Variants in PRDM16 observed in about 807,000 individuals in gnomAD.
The protein encoded by PRDM16 is PR/SET domain 16.
Under a neutral mutation model 110.6 loss-of-function variants are expected in PRDM16, and 23 were observed. The observed-to-expected ratio is 0.21, with a 90% confidence interval of 0.15 to 0.29. The LOEUF is 0.29. Ranked by LOEUF, PRDM16 falls within the 10% of genes least tolerant of loss-of-function variation. The pLI is 1.00. For synonymous variants in PRDM16, 799 were observed against 781.8 expected (o/e 1.02, Z -0.37); for missense variants, 1,615 against 1,794.3 (o/e 0.90, Z 1.81).
intron 3 of PRDM16, among the ~76,000 whole-genome samples, chr1:3,263,619 C>G (rs907507940): frequency 6.6e-6 from 1 of 152,250 alleles, no homozygotes; most frequent in African/African-American, 2.4e-5. Flanking sequence ...GCCCATATGT[C>G]CGGGCCACAG....
intron 10 of PRDM16, among the ~76,000 whole-genome samples, chr1:3,415,823 A>AC (rs1638234236): frequency 6.6e-6 from 1 of 152,196 alleles, no homozygotes; most frequent in Admixed American, 6.5e-5. Context: ...CTAATAAGTC[A>AC]CCAAATGGTC....
chr1:3,284,288 G>A (rs1396503440), intron 3 of PRDM16, among the ~76,000 whole-genome samples: 3 of 152,212 alleles, frequency 2.0e-5, no homozygotes, highest in African/African-American at 4.8e-5. Context: ...AAACGTTTTC[G>A]GCCCCTGTCT....
At chr1:3,310,099 C>G (rs565943864) in intron 3 of PRDM16, 15 of 152,318 alleles carry the variant, frequency 9.8e-5, no homozygotes, top group African/African-American at 3.6e-4. Context: ...AATTTTAAAA[C>G]AAAAAGTCAA....
chr1:3,231,485 C>A (rs563708506), intron 2 of PRDM16, among the ~76,000 whole-genome samples: 2 of 152,350 alleles, frequency 1.3e-5, no homozygotes, highest in Middle Eastern at 3.4e-3. Flanking sequence ...ATGAGGGCGT[C>A]GAGGCTGCTC....
intron 3 of PRDM16, among the ~76,000 whole-genome samples, chr1:3,335,145 G>C (rs941306278): frequency 6.6e-6 from 1 of 152,252 alleles, no homozygotes; most frequent in Non-Finnish European, 1.5e-5. Flanking sequence ...CTGCCTGGAA[G>C]GAGCCCAGCG....
At chr1:3,344,238 T>C (rs916732672) in intron 3 of PRDM16, among the ~76,000 whole-genome samples, 1 of 152,086 alleles carries the variant, frequency 6.6e-6, no homozygotes, top group Non-Finnish European at 1.5e-5. Context: ...CTTGCAAGGC[T>C]AAGATGGGAA....
At chr1:3,113,955 T>A (rs1447617141) in intron 1 of PRDM16, among the ~76,000 whole-genome samples, 2 of 152,250 alleles carry the variant, frequency 1.3e-5, no homozygotes, top group East Asian at 3.8e-4. Context: ...TCTCTCCCAC[T>A]CGGGATGTGA....
chr1:3,294,325 A>G (rs913139378), intron 3 of PRDM16, among the ~76,000 whole-genome samples: 3 of 152,104 alleles, frequency 2.0e-5, no homozygotes, highest in Non-Finnish European at 2.9e-5. Flanking sequence ...CTCCCCAGGG[A>G]GAAAACAGAT....
At position 3,141,602 on chromosome 1, in the gene PRDM16, G is replaced by T. The variant is rs372874547; in HGVS notation, c.38-44523G>T. On this transcript the variant is annotated intron_variant, in intron 1 of 16. Transcript: ENST00000270722. ...CCTTCTGGGCCGCCCCACCTGCGAG[G>T]ATGGGAGTCAGAAAGCCCAGGGCGG... 2.6e-5 allele frequency among the ~76,000 whole-genome samples: 4 copies of T among 152,256 alleles called. No individual in the cohort carries two copies. The East Asian group carries it at 5.8e-4, about 22-fold the overall frequency.
chr1:3,349,304 G>T (rs550584782), intron 3 of PRDM16, among the ~76,000 whole-genome samples: 28 of 152,172 alleles, frequency 1.8e-4, no homozygotes, highest in African/African-American at 6.5e-4. Flanking sequence ...GGACGGGGCC[G>T]CACCGGCACG....
chr1:3,149,693 A>G (rs1479619520), intron 1 of PRDM16, among the ~76,000 whole-genome samples: 4 of 152,204 alleles, frequency 2.6e-5, no homozygotes, highest in Non-Finnish European at 4.4e-5. Context: ...TTTATGCAAG[A>G]TGGTGCTGAA....
chr1:3,234,803 C>T (rs1296103017), intron 2 of PRDM16, among the ~76,000 whole-genome samples: 3 of 152,250 alleles, frequency 2.0e-5, no homozygotes, highest in Non-Finnish European at 4.4e-5. Context: ...GTGGGGTCTC[C>T]CTTGTGTTCC....
Position 3,300,235 on chromosome 1 carries a change from C to T in PRDM16, c.438+56098C>T, listed in dbSNP as rs1373653809. 5.9e-5 allele frequency among the ~76,000 whole-genome samples: 6 copies of T among 102,532 alleles called. 1 individual carries two copies. Among genetic ancestry groups the T allele is most frequent in the Admixed American group, 2.5e-4 (2 of 7,978 alleles). 67.3% of individuals were successfully genotyped at this position (102,532 alleles called of 152,430 possible). On this transcript the variant is annotated intron_variant, in intron 3 of 16. Transcript: ENST00000270722. ...TGGCAGTGATGTTTCCGATCCCAGT[C>T]GTGGTGGCTCTGCCCTTGTTGAAGA... is the stretch of plus-strand genomic sequence containing the variant.
chr1:3,105,882 G>T (rs1020280455), intron 1 of PRDM16, among the ~76,000 whole-genome samples: 1 of 152,240 alleles, frequency 6.6e-6, no homozygotes, highest in African/African-American at 2.4e-5. Flanking sequence ...GCCGGCCACA[G>T]AGAGTCTTCA....
intron 2 of PRDM16, among the ~76,000 whole-genome samples, chr1:3,188,888 C>T (rs1164194382): frequency 2.0e-5 from 3 of 152,166 alleles, no homozygotes; most frequent in Non-Finnish European, 2.9e-5. Flanking sequence ...GAATGATGTC[C>T]GTCAATCAAG....
rs12078595 is a variant in PRDM16, at chr1:3,433,970, G to A, written c.*159G>A. 3 of 721,960 alleles carry A rather than the reference G, an allele frequency of 4.2e-6. No individual in the cohort carries two copies. The highest frequency in any genetic ancestry group is 6.7e-6 in the Non-Finnish European group (3 of 448,054). 44.7% of individuals were successfully genotyped at this position (721,960 alleles called of 1,614,324 possible). A position where few individuals can be genotyped will look rare whatever the true frequency, so the allele number is the denominator to read the frequency against. ...TTCCGACTTTTCCAATGGAAACTCA[G>A]ATCCCAAAAGTCCCTAAAGCAGTCG... On this transcript the variant is annotated 3_prime_UTR_variant, in exon 17 of 17. Coordinates refer to ENST00000270722, the MANE Select transcript of PRDM16 (RefSeq NM_022114.4).
chr1:3,422,865 G>T (rs140486118), intron 12 of PRDM16, among the ~76,000 whole-genome samples: 1 of 152,220 alleles, frequency 6.6e-6, no homozygotes, highest in Non-Finnish European at 1.5e-5. Flanking sequence ...GGGAGGAGAC[G>T]CTGGGACCCG....
chr1:3,171,253 G>C (rs1421567067), intron 1 of PRDM16, among the ~76,000 whole-genome samples: 1 of 152,254 alleles, frequency 6.6e-6, no homozygotes, highest in East Asian at 1.9e-4. Flanking sequence ...AAATAGTTTG[G>C]TGGCGGTCGG....
At chr1:3,413,954 G>A (rs1643737644) in intron 9 of PRDM16, among the ~76,000 whole-genome samples, 1 of 152,202 alleles carries the variant, frequency 6.6e-6, no homozygotes, top group African/African-American at 2.4e-5. Flanking sequence ...CTGTCTGGGT[G>A]CTGCAGGAAG....
Sources: gnomAD v4.1 joint callset for allele counts (sites outside exome capture counted in the v4.1 genomes callset) on GRCh38, gnomAD v4.1.1 for gene constraint, MANE v1.5 for transcripts, NCBI Gene and HGNC (gene_info 2026-07-23, HGNC 2026-07-21) for gene names.